The following UNC13C variants were observed in gnomAD, a reference collection of about 807,000 sequenced individuals.
UNC13C encodes unc-13 homolog C, also known as protein unc-13 homolog C.
UNC13C carries 174 observed loss-of-function variants against 245.4 expected under a neutral mutation model. The observed-to-expected ratio is 0.71, with a 90% CI of 0.63 to 0.80. The LOEUF is 0.80. UNC13C is among the 30% of genes least tolerant of loss of function. The pLI is 0.00. For missense variants in UNC13C, 2,829 were observed against 2,602.9 expected (o/e 1.09, Z -1.89); for synonymous variants, 992 against 895.1 (o/e 1.11, Z -1.93).
intron 4 of UNC13C, among the ~76,000 whole-genome samples, chr15:54,207,994 A>G (rs977483701): frequency 4.6e-5 from 7 of 152,150 alleles, no homozygotes; most frequent in African/African-American, 1.7e-4. Context: ...ATTATTTTAA[A>G]GAAAGAGGTT....
chr15:53,960,695 C>A, the UNC13C span, among the ~76,000 whole-genome samples: 2 of 151,990 alleles, frequency 1.3e-5, no homozygotes, highest in Non-Finnish European at 2.9e-5. Flanking sequence ...GGTGGAGCAT[C>A]ATTTGGTCAG....
chr15:54,013,217 A>G lies in UNC13C; in HGVS notation c.314A>G (p.Asn105Ser). 1 of 1,613,806 alleles carries G rather than the reference A, an allele frequency of 6.2e-7. No homozygotes were observed. The highest frequency in any genetic ancestry group is 8.5e-7 in the Non-Finnish European group (1 of 1,179,848). Reference sequence around the variant, plus strand: ...GCTATTGCCAATGGCCTACAAAAGAATGCTAAAGTAACCAACAGTGATAAT... The same window carrying G: ...GCTATTGCCAATGGCCTACAAAAGAGTGCTAAAGTAACCAACAGTGATAAT... ...RVAIANGLQK[N>S]AKVTNSDNED... Residue 105 changes from asparagine (N) to serine (S), a missense_variant, in exon 2 of 33, where the codon AAT (asparagine) becomes AGT (serine). By Grantham distance (46) the Asn-to-Ser change is conservative (BLOSUM62 1). Transcript: ENST00000260323.
At chr15:53,869,619 C>A in the UNC13C span, among the ~76,000 whole-genome samples, 346 of 152,266 alleles carry the variant, frequency 2.3e-3, 2 homozygotes, top group African/African-American at 7.3e-3. Flanking sequence ...CCTGACCCAA[C>A]GACAGATGAA....
chr15:54,416,912 T>A (rs769302918), intron 19 of UNC13C: 1 of 456,556 alleles, frequency 2.2e-6, no homozygotes, highest in South Asian at 1.5e-5. Context: ...CATGAGGGAT[T>A]TTTTGGCCAG....
At chr15:53,848,231 T>C in the UNC13C span, among the ~76,000 whole-genome samples, 1 of 152,140 alleles carries the variant, frequency 6.6e-6, no homozygotes, top group African/African-American at 2.4e-5. Flanking sequence ...TATATTTTTC[T>C]TTCTATTTGA....
intron 2 of UNC13C, among the ~76,000 whole-genome samples, chr15:54,114,719 G>T (rs545955040): frequency 6.6e-6 from 1 of 152,076 alleles, no homozygotes; most frequent in African/African-American, 2.4e-5. Context: ...GAAGAATTTT[G>T]GGGCAAAGAG....
In UNC13C at chr15:54,392,930, A is replaced by G. The variant is rs2039988254; in HGVS notation, c.4714-118A>G. On this transcript the variant is annotated intron_variant, in intron 17 of 32. Coordinates refer to ENST00000260323, the MANE Select transcript of UNC13C (RefSeq NM_001080534.3). ...CCTGAGTTTAACAGCTTTGACTCCC[A>G]TAATCTAAGTTTCATTTCCACAATC... 25 of 1,243,670 alleles carry G rather than the reference A, an allele frequency of 2.0e-5. No individual in the cohort carries two copies. The East Asian group carries it at 6.3e-4, about 31-fold the overall frequency. 77.0% of individuals were successfully genotyped at this position (1,243,670 alleles called of 1,614,324 possible).
the UNC13C span, among the ~76,000 whole-genome samples, chr15:53,891,988 G>A: frequency 6.6e-6 from 1 of 152,330 alleles, no homozygotes; most frequent in South Asian, 2.1e-4. Context: ...TGTTTTTGCA[G>A]TGGCTGGTAC....
chr15:54,118,583 A>T (rs2030440418), intron 2 of UNC13C, among the ~76,000 whole-genome samples: 1 of 152,062 alleles, frequency 6.6e-6, no homozygotes, highest in Non-Finnish European at 1.5e-5. Context: ...ATATCATGTC[A>T]TCTGTGAATA....
chr15:54,103,317 C>T (rs1478860569), intron 2 of UNC13C, among the ~76,000 whole-genome samples: 2 of 152,172 alleles, frequency 1.3e-5, no homozygotes, highest in Non-Finnish European at 2.9e-5. Flanking sequence ...CTAAGCACAG[C>T]CTGTCTTCCT....
chr15:54,097,654 G>A (rs1179441408), intron 2 of UNC13C, among the ~76,000 whole-genome samples: 2 of 152,152 alleles, frequency 1.3e-5, no homozygotes, highest in Non-Finnish European at 2.9e-5. Context: ...TCCAGAAGGA[G>A]TTGTGACCTC....
chr15:54,360,617 T>A (rs2140862995), intron 17 of UNC13C, among the ~76,000 whole-genome samples: 1 of 152,264 alleles, frequency 6.6e-6, no homozygotes, highest in Non-Finnish European at 1.5e-5. Context: ...TACTTTCAGA[T>A]TAAAGAACTC....
At chr15:54,067,976 C>A (rs903114769) in intron 2 of UNC13C, among the ~76,000 whole-genome samples, 1 of 152,154 alleles carries the variant, frequency 6.6e-6, no homozygotes, top group East Asian at 1.9e-4. Context: ...AAATAACTTA[C>A]ACTTGCTAAA....
At chr15:53,920,100 T>C in the UNC13C span, among the ~76,000 whole-genome samples, 1 of 71,964 alleles carries the variant, frequency 1.4e-5, no homozygotes, top group Middle Eastern at 6.8e-3. Context: ...ATGTTCATAA[T>C]TAATCATTTC....
chr15:54,019,723 G>T (rs994117808), intron 2 of UNC13C, among the ~76,000 whole-genome samples: 2 of 152,144 alleles, frequency 1.3e-5, no homozygotes, highest in African/African-American at 2.4e-5. Flanking sequence ...GTCAGAATAT[G>T]TTGACTTCCA....
chr15:54,267,066 G>T (rs1036632495), intron 10 of UNC13C, among the ~76,000 whole-genome samples: 1 of 151,764 alleles, frequency 6.6e-6, no homozygotes, highest in Admixed American at 6.6e-5. Flanking sequence ...TGGATATTTT[G>T]GTTTGTTTCC....
chr15:54,022,745 T>C (rs1266256451), intron 2 of UNC13C, among the ~76,000 whole-genome samples: 5 of 152,204 alleles, frequency 3.3e-5, no homozygotes. Flanking sequence ...TGCAGAAGCT[T>C]TTTACTTCGA....
chr15:53,899,117 G>C, the UNC13C span, among the ~76,000 whole-genome samples: 2 of 152,066 alleles, frequency 1.3e-5, no homozygotes, highest in Non-Finnish European at 2.9e-5. Flanking sequence ...AGCATTCTCT[G>C]ATTATTTTAA....
At chr15:54,599,929 G>T (rs1899317411) in intron 30 of UNC13C, among the ~76,000 whole-genome samples, 1 of 152,088 alleles carries the variant, frequency 6.6e-6, no homozygotes. Context: ...AATTACCTAG[G>T]CACTTAAGTT....
Sources: gnomAD v4.1 joint callset for allele counts (sites outside exome capture counted in the v4.1 genomes callset) on GRCh38, gnomAD v4.1.1 for gene constraint, MANE v1.5 for transcripts, NCBI Gene and HGNC (gene_info 2026-07-23, HGNC 2026-07-21) for gene names.